Variants in NLRX1 observed in about 807,000 individuals in gnomAD.
NLRX1 encodes NOD-like receptor X1.
Under a neutral mutation model 74.2 loss-of-function variants are expected in NLRX1, and 67 were observed. The ratio of observed to expected loss-of-function variants is 0.90; its 90% CI spans 0.74 to 1.11. NLRX1 has a LOEUF of 1.11. Ranked by LOEUF, NLRX1 falls within the 50% of genes least tolerant of loss-of-function variation. The pLI is 0.00. For synonymous variants in NLRX1, 506 were observed against 559.1 expected (o/e 0.91, Z 1.34); for missense variants, 1,191 against 1,305.4 (o/e 0.91, Z 1.35).
Position 119,183,949 on chromosome 11 carries a change from G to T in NLRX1, c.*510G>T, listed in dbSNP as rs369332198. 14 of 777,114 alleles carry T rather than the reference G, an allele frequency of 1.8e-5. No homozygotes were observed. Among genetic ancestry groups the T allele is most frequent in the Non-Finnish European group, 3.4e-5 (14 of 415,436 alleles). 48.1% of individuals were successfully genotyped at this position (777,114 alleles called of 1,614,324 possible). ...CCCCCTTTGCCACAATGGTATGATGGCTTGGTAGCCCCTCGAGGCAGATGC... is the reference window on the plus strand; with the variant it reads ...CCCCCTTTGCCACAATGGTATGATGTCTTGGTAGCCCCTCGAGGCAGATGC... On this transcript the variant is annotated 3_prime_UTR_variant, in exon 10 of 10. Transcript: ENST00000409109. This position sits in a 1 kb window ranked among gnomAD's most constrained non-coding sequence, Gnocchi z 5.7.
chr11:119,171,050 G>A (rs1386710566), intron 1 of NLRX1, among the ~76,000 whole-genome samples: 2 of 152,236 alleles, frequency 1.3e-5, no homozygotes, highest in Non-Finnish European at 2.9e-5. Context: ...GGCTGAGGCA[G>A]GAGAATCGCT....
rs1227547262 is a variant in NLRX1 at position 119,172,407 on chromosome 11, G to A, written c.122G>A (p.Arg41His). 1.3e-5 allele frequency: 21 copies of A among 1,613,252 alleles called. No homozygotes were observed. Among genetic ancestry groups the A allele is most frequent in the Admixed American group, 3.3e-5 (2 of 60,002 alleles). Residue 41 changes from arginine (R) to histidine (H), a missense_variant, in exon 3 of 10, where the codon CGT becomes CAT. Transcript: ENST00000409109. ...IHWSWPLQGE[R>H]PFGPPRAFIR... ...TGGAGTTGGCCCCTTCAAGGGGAGC[G>A]TCCCTTTGGGCCCCCTAGGTGAGGC...
rs1948763230 is a variant in NLRX1 at position 119,179,089 on chromosome 11, C to T, written c.1672-604C>T. ...GCCAAGAGGCTTGTGATGAAGGCAT[C>T]GTAGTCGGCAGGGCCCAGATCACAC... On this transcript the variant is annotated intron_variant, in intron 6 of 9. Coordinates refer to ENST00000409109, the MANE Select transcript of NLRX1 (RefSeq NM_001282144.2). Among the ~76,000 whole-genome samples, 4 of 152,282 alleles carry T rather than the reference C, an allele frequency of 2.6e-5. 1 individual carries two copies. The highest frequency in any genetic ancestry group is 3.4e-3 in the Middle Eastern group (1 of 294).
chr11:119,179,705 GTGTT>G lies in NLRX1; in HGVS notation c.1687_1690del (p.Phe563GlyfsTer76), dbSNP rs1948782913. 1.2e-6 allele frequency: 2 copies of G among 1,602,112 alleles called. No homozygotes were observed. Among genetic ancestry groups the G allele is most frequent in the South Asian group, 1.1e-5 (1 of 90,394 alleles). On this transcript the variant is annotated frameshift_variant, in exon 7 of 10. Transcript: ENST00000409109. LOFTEE classifies it high-confidence loss of function. ...GCTTCTTTTTCAGGTGGTTCCACGA[GTGTT>G]TGGGCGCATGGTGGGTAAAAGCCGG... is the stretch of plus-strand genomic sequence containing the variant.
Position 119,183,227 on chromosome 11 carries a change from G to T in NLRX1, c.2716G>T (p.Val906Leu). The stretch of plus-strand genomic sequence containing the variant: ...GGTGTCACTGACAGAGGGGACGGCG[G>T]TGTCAGAATACTGGTCAGTGATCCT... Reference protein sequence around the residue: ...VVVSLTEGTAVSEYWSVILSE... With the variant: ...VVVSLTEGTALSEYWSVILSE... Residue 906 changes from valine (V) to leucine (L), a missense_variant, in exon 10 of 10, where the codon GTG (valine) becomes TTG (leucine). By Grantham distance (32) the Val-to-Leu change is conservative. Transcript: ENST00000409109. This position sits in a 1 kb window ranked among gnomAD's most constrained non-coding sequence, Gnocchi z 5.7. The T allele has an allele frequency of 6.2e-7, 1 of 1,614,236 alleles. No homozygotes were observed. The highest frequency in any genetic ancestry group is 1.3e-5 in the African/African-American group (1 of 75,060).
At position 119,175,144 on chromosome 11, in the gene NLRX1, C is replaced by A; in HGVS notation, c.1541C>A (p.Thr514Asn). Residue 514 changes from threonine (T) to asparagine (N), a missense_variant, in exon 6 of 10, where the codon ACC (threonine) becomes AAC (asparagine). Thr to Asn is a moderately conservative substitution (Grantham distance 65, BLOSUM62 0). Coordinates refer to ENST00000409109, the MANE Select transcript of NLRX1 (RefSeq NM_001282144.2). ...LYIVLGLRKT[T>N]LQKVGKEVAE... is the part of the protein sequence containing the mutation. ...ATTGTGCTGGGTTTGCGCAAGACGA[C>A]CCTGCAAAAGGTGGGCAAGGAAGTG... is the stretch of plus-strand genomic sequence containing the variant. 1 of 1,614,210 alleles carries A rather than the reference C, an allele frequency of 6.2e-7. No homozygotes were observed. Among genetic ancestry groups the A allele is most frequent in the Middle Eastern group, 1.6e-4 (1 of 6,062 alleles).
At position 119,181,852 on chromosome 11, in the gene NLRX1, G is replaced by A. The variant is rs191067807; in HGVS notation, c.2355-242G>A. 5.6e-4 allele frequency among the ~76,000 whole-genome samples: 85 copies of A among 152,216 alleles called. 1 individual carries two copies. The East Asian group carries it at 0.012, about 22-fold the overall frequency. On this transcript the variant is annotated intron_variant, in intron 8 of 9. Coordinates refer to ENST00000409109, the MANE Select transcript of NLRX1 (RefSeq NM_001282144.2). ...AGAAGGGAGTCAGGGGAAGAGGGAAGGAAAGGCCAGCTCCCCTACTCTGAC... is the reference window on the plus strand; with the variant it reads ...AGAAGGGAGTCAGGGGAAGAGGGAAAGAAAGGCCAGCTCCCCTACTCTGAC...
chr11:119,172,974 A>G lies in NLRX1; in HGVS notation c.214A>G (p.Ser72Gly), dbSNP rs1948593632. 6.2e-7 allele frequency: 1 copy of G among 1,613,654 alleles called. No homozygotes were observed. Among genetic ancestry groups the G allele is most frequent in the Non-Finnish European group, 8.5e-7 (1 of 1,179,834 alleles). Residue 72 changes from serine (S) to glycine (G), a missense_variant, in exon 4 of 10, where the codon AGC becomes GGC. Ser to Gly is a moderately conservative substitution (Grantham distance 56). Transcript: ENST00000409109. ...CGGGAGGCATGGACGGCTGTTCCCC[A>G]GCGCCTCTGCAACTGGTAAAGGGAC... Reference protein sequence around the residue: ...PPGRHGRLFPSASATEAIQRH... With the variant: ...PPGRHGRLFPGASATEAIQRH...
At chr11:119,174,209 AAGT>A in intron 5 of NLRX1, 111 bp downstream of exon 5, 5 of 1,372,406 alleles carry the variant, frequency 3.6e-6, no homozygotes, top group Non-Finnish European at 4.9e-6. Context: ...GACCCTGAGC[AAGT>A]CAGTAACTTC....
chr11:119,182,813 G>A (rs545614200), intron 9 of NLRX1, among the ~76,000 whole-genome samples: 1 of 151,932 alleles, frequency 6.6e-6, no homozygotes, highest in African/African-American at 2.4e-5. Flanking sequence ...CCTGAACCCG[G>A]CAGGTGGAGG....
chr11:119,180,701 CA>C (rs1302396352), intron 7 of NLRX1, among the ~76,000 whole-genome samples: 1,216 of 84,444 alleles, frequency 0.014, 6 homozygotes, highest in Non-Finnish European at 0.014. Flanking sequence ...AACTCCGTCT[CA>C]AAAAAAAAAA....
rs77327236 is a variant in NLRX1 at position 119,183,229 on chromosome 11, G to A, written c.2718G>A (p.Val906=). The change falls in exon 10 of 10, where the codon GTG becomes GTA. Residue 906 remains valine (V), a synonymous_variant. Transcript: ENST00000409109. The surrounding 1 kb of genome is among the most constrained non-coding windows in gnomAD (Gnocchi z 5.7). ...VVVSLTEGTA[V]SEYWSVILSE... is the part of the protein sequence containing the mutation. ...TGTCACTGACAGAGGGGACGGCGGT[G>A]TCAGAATACTGGTCAGTGATCCTCA... 5.7e-4 allele frequency: 919 copies of A among 1,614,230 alleles called. 6 individuals carry two copies. The African/African-American group carries it at 0.011, about 20-fold the overall frequency.
At position 119,173,914 on chromosome 11, in the gene NLRX1, C is replaced by T. The variant is rs1333125772; in HGVS notation, c.665C>T (p.Pro222Leu). The change falls in exon 5 of 10, where the codon CCC (proline) becomes CTC (leucine). Residue 222 changes from proline to leucine, a missense_variant. Coordinates refer to ENST00000409109, the MANE Select transcript of NLRX1 (RefSeq NM_001282144.2). This position sits in a 1 kb window ranked among gnomAD's most constrained non-coding sequence, Gnocchi z 4.0. ...LCQLVAQRYT[P>L]LKEVLPLMAA... ...CAACTTGTGGCCCAGCGCTACACGC[C>T]CCTGAAGGAGGTTCTGCCCCTGATG... The T allele has an allele frequency of 6.2e-7, 1 of 1,613,682 alleles. No homozygotes were observed. The highest frequency in any genetic ancestry group is 2.2e-5 in the East Asian group (1 of 44,882).
At position 119,183,492 on chromosome 11, in the gene NLRX1, C is replaced by T; in HGVS notation, c.*53C>T. On this transcript the variant is annotated 3_prime_UTR_variant, in exon 10 of 10. Coordinates refer to ENST00000409109, the MANE Select transcript of NLRX1 (RefSeq NM_001282144.2). This position sits in a 1 kb window ranked among gnomAD's most constrained non-coding sequence, Gnocchi z 5.7. Reference sequence around the variant, plus strand: ...TGACCACTGGCCCTAAACCTTTTCCCTCTGTGGCCTCCTGGCTTGCACTGC... The same window carrying T: ...TGACCACTGGCCCTAAACCTTTTCCTTCTGTGGCCTCCTGGCTTGCACTGC... The T allele has an allele frequency of 2.0e-6, 3 of 1,508,408 alleles. No individual in the cohort carries two copies. Among genetic ancestry groups the T allele is most frequent in the Non-Finnish European group, 2.7e-6 (3 of 1,113,490 alleles). The allele number at this position is 1,508,408 out of a possible 1,614,324, so 93.4% of individuals were successfully genotyped here. A position where few individuals can be genotyped will look rare whatever the true frequency, so the allele number is the denominator to read the frequency against.
At chr11:119,174,217 A>T in intron 5 of NLRX1, 119 bp downstream of exon 5, 5 of 1,306,874 alleles carry the variant, frequency 3.8e-6, no homozygotes, top group Non-Finnish European at 5.2e-6. Flanking sequence ...GCAAGTCAGT[A>T]ACTTCCCCAG....
Position 119,173,477 on chromosome 11 carries a change from A to G in NLRX1, c.230-2A>G, listed in dbSNP as rs779066121. ...ACACATTTCCCTTATCTTCCCACTC[A>G]GAAGCTATACAGCGGCACCGCCGGA... On this transcript the variant is annotated splice_acceptor_variant, in intron 4 of 9. Transcript: ENST00000409109. LOFTEE classifies it high-confidence loss of function. The surrounding 1 kb of genome is among the most constrained non-coding windows in gnomAD (Gnocchi z 4.0). 3 of 1,611,240 alleles carry G rather than the reference A, an allele frequency of 1.9e-6. No individual in the cohort carries two copies. The highest frequency in any genetic ancestry group is 1.7e-5 in the Admixed American group (1 of 59,970).
intron 6 of NLRX1, among the ~76,000 whole-genome samples, chr11:119,178,190 T>G (rs1180902737): frequency 6.6e-6 from 1 of 151,888 alleles, no homozygotes; most frequent in Non-Finnish European, 1.5e-5. Flanking sequence ...AATTAAAACA[T>G]TAAAAAGTAA....
rs370970510 is a variant in NLRX1 at position 119,173,548 on chromosome 11, T to A, written c.299T>A (p.Phe100Tyr). 3.7e-6 allele frequency: 6 copies of A among 1,614,022 alleles called. No homozygotes were observed. Among genetic ancestry groups the A allele is most frequent in the African/African-American group, 1.3e-5 (1 of 74,938 alleles). Residue 100 changes from phenylalanine (F) to tyrosine (Y), a missense_variant, in exon 5 of 10, where the codon TTT becomes TAT. Phe to Tyr is a conservative substitution (Grantham distance 22). Coordinates refer to ENST00000409109, the MANE Select transcript of NLRX1 (RefSeq NM_001282144.2). This position sits in a 1 kb window ranked among gnomAD's most constrained non-coding sequence, Gnocchi z 4.0. ...FSRLPREERQFGPTFALDTVH... is the reference protein window; with the variant it reads ...FSRLPREERQYGPTFALDTVH... ...CGGCTGCCCAGGGAGGAGCGCCAGTTTGGCCCAACCTTTGCCCTAGACACG... is the reference window on the plus strand; with the variant it reads ...CGGCTGCCCAGGGAGGAGCGCCAGTATGGCCCAACCTTTGCCCTAGACACG...
Position 119,180,210 on chromosome 11 carries a change from T to C in NLRX1, c.2189T>C (p.Val730Ala). 1.2e-6 allele frequency: 2 copies of C among 1,611,648 alleles called. No individual in the cohort carries two copies. The highest frequency in any genetic ancestry group is 1.7e-5 in the Admixed American group (1 of 59,966). The change falls in exon 7 of 10, where the codon GTG becomes GCG. Residue 730 changes from valine to alanine, a missense_variant. Transcript: ENST00000409109. ...AGCGGAAGGCATGCCCTGGATGAGG[T>C]GAACTTGGCCTCCTGCCAGCTAGAT... ...LGSGRHALDE[V>A]NLASCQLDPA...
Sources: gnomAD v4.1 joint callset for allele counts (sites outside exome capture counted in the v4.1 genomes callset) on GRCh38, gnomAD v4.1.1 for gene constraint, Gnocchi (gnomAD v3.1) non-coding constraint, MANE v1.5 for transcripts, NCBI Gene and HGNC (gene_info 2026-07-23, HGNC 2026-07-21) for gene names.